The following ANKS1A variants were observed in gnomAD, a reference collection of about 807,000 sequenced individuals.
The protein encoded by ANKS1A is ankyrin repeat and SAM domain-containing protein 1A.
A neutral mutation model predicts 120.3 loss-of-function variants in ANKS1A; 55 were observed. The ratio of observed to expected loss-of-function variants is 0.46; its 90% CI spans 0.37 to 0.57. The LOEUF (loss-of-function observed/expected upper bound fraction) is 0.57, where lower values mean the gene tolerates loss of function less well. ANKS1A is among the 20% of genes least tolerant of loss of function. ANKS1A has a pLI of 0.00. For missense variants in ANKS1A, 1,123 were observed against 1,480.3 expected (o/e 0.76, Z 3.96); for synonymous variants, 590 against 604.7 (o/e 0.98, Z 0.36).
intron 11 of ANKS1A, among the ~76,000 whole-genome samples, chr6:35,048,771 A>T (rs1775835806): frequency 6.6e-6 from 1 of 152,158 alleles, no homozygotes; most frequent in African/African-American, 2.4e-5. Flanking sequence ...GGTTCTCTGC[A>T]CAGCCTAAGG....
At chr6:35,055,073 C>A (rs1776148430) in intron 12 of ANKS1A, among the ~76,000 whole-genome samples, 1 of 152,220 alleles carries the variant, frequency 6.6e-6, no homozygotes, top group South Asian at 2.1e-4. Flanking sequence ...CCATGGGCTT[C>A]TGTGGCCCTG....
intron 11 of ANKS1A, among the ~76,000 whole-genome samples, chr6:35,048,970 C>T (rs533104794): frequency 4.6e-5 from 7 of 152,342 alleles, no homozygotes; most frequent in East Asian, 3.9e-4. Flanking sequence ...GGTTCGGCTG[C>T]CAGTGGCACC....
chr6:34,908,746 A>G (rs1034171949), intron 1 of ANKS1A, among the ~76,000 whole-genome samples: 43 of 152,250 alleles, frequency 2.8e-4, no homozygotes, highest in African/African-American at 1.0e-3. Context: ...TGGTGTACGA[A>G]TGCATTTGCT....
Position 35,060,102 on chromosome 6 carries a change from A to G in ANKS1A, c.2078-45A>G. 2 of 1,534,180 alleles carry G rather than the reference A, an allele frequency of 1.3e-6. No individual in the cohort carries two copies. The highest frequency in any genetic ancestry group is 1.8e-6 in the Non-Finnish European group (2 of 1,116,306). On this transcript the variant is annotated intron_variant, in intron 12 of 23. Coordinates refer to ENST00000360359, the MANE Select transcript of ANKS1A (RefSeq NM_015245.3). The surrounding 1 kb of genome is among the most constrained non-coding windows in gnomAD (Gnocchi z 4.5). The stretch of plus-strand genomic sequence containing the variant: ...TCTGAGTGCCGCTGCTACCGCCTTA[A>G]TGGTTTTTCCCTTTTCAAGCGTCTG...
intron 11 of ANKS1A, among the ~76,000 whole-genome samples, chr6:35,032,308 G>A (rs1774947197): frequency 6.6e-6 from 1 of 152,182 alleles, no homozygotes; most frequent in Non-Finnish European, 1.5e-5. Context: ...AGGAGAGGAT[G>A]AGGTCAAGTC....
chr6:34,894,279 T>G (rs1291428379), intron 1 of ANKS1A, among the ~76,000 whole-genome samples: 1 of 152,194 alleles, frequency 6.6e-6, no homozygotes, highest in Non-Finnish European at 1.5e-5. Context: ...GAAACTCCTG[T>G]ATAAGAATAT....
At chr6:35,004,629 C>T (rs945778613) in intron 10 of ANKS1A, among the ~76,000 whole-genome samples, 7 of 151,670 alleles carry the variant, frequency 4.6e-5, no homozygotes, top group Admixed American at 1.3e-4. Context: ...CATTTGAAAA[C>T]GTGGTAGGCT....
At chr6:35,046,258 C>A (rs1274429687) in intron 11 of ANKS1A, among the ~76,000 whole-genome samples, 1 of 152,130 alleles carries the variant, frequency 6.6e-6, no homozygotes, top group Non-Finnish European at 1.5e-5. Flanking sequence ...AAAGCCACAC[C>A]ACAACACAGA....
Position 35,044,910 on chromosome 6 carries a change from A to G in ANKS1A, c.2011-9189A>G, listed in dbSNP as rs932563586. On this transcript the variant is annotated intron_variant, in intron 11 of 23. Coordinates refer to ENST00000360359, the MANE Select transcript of ANKS1A (RefSeq NM_015245.3). This position sits in a 1 kb window ranked among gnomAD's most constrained non-coding sequence, Gnocchi z 4.4. ...GGGTGGTGTGGACTATTTGCCTGGC[A>G]TCTGTGGTTTTACGAGGACTACAGA... 6.6e-6 allele frequency among the ~76,000 whole-genome samples: 1 copy of G among 152,210 alleles called. No homozygotes were observed. Among genetic ancestry groups the G allele is most frequent in the African/African-American group, 2.4e-5 (1 of 41,450 alleles).
At chr6:34,899,114 G>A (rs1232318136) in intron 1 of ANKS1A, among the ~76,000 whole-genome samples, 1 of 152,180 alleles carries the variant, frequency 6.6e-6, no homozygotes, top group African/African-American at 2.4e-5. Flanking sequence ...TGAATTTGAG[G>A]ACTCATAGTA....
At position 35,074,315 on chromosome 6, in the gene ANKS1A, G is replaced by A. The variant is rs537370635; in HGVS notation, c.2185-4243G>A. ...CATAATCAGGTAGAAAGTCTGGGCC[G>A]GGGCCAGGGGCAGTGGTGCACACCT... is the stretch of plus-strand genomic sequence containing the variant. On this transcript the variant is annotated intron_variant, in intron 13 of 23. Coordinates refer to ENST00000360359, the MANE Select transcript of ANKS1A (RefSeq NM_015245.3). Among the ~76,000 whole-genome samples, 5 of 152,274 alleles carry A rather than the reference G, an allele frequency of 3.3e-5. No individual in the cohort carries two copies. In the South Asian group the frequency reaches 6.2e-4, roughly 19 times the overall value.
chr6:34,917,304 G>A (rs1219866484), intron 1 of ANKS1A, among the ~76,000 whole-genome samples: 1 of 152,210 alleles, frequency 6.6e-6, no homozygotes, highest in Non-Finnish European at 1.5e-5. Context: ...TTGGCTAAGT[G>A]GAGAGGCTCT....
At position 35,052,609 on chromosome 6, in the gene ANKS1A, T is replaced by TAA. The variant is rs59378149; in HGVS notation, c.2011-1468_2011-1467dup. ...CAACATAACAAGACCTCTTCTCTGT[T>TAA]AAAAAAAAAAAAAAAAAAAAAAAGA... On this transcript the variant is annotated intron_variant, in intron 11 of 23. Coordinates refer to ENST00000360359, the MANE Select transcript of ANKS1A (RefSeq NM_015245.3). 8.7e-4 allele frequency among the ~76,000 whole-genome samples: 89 copies of TAA among 102,404 alleles called. 1 individual carries two copies. The highest frequency in any genetic ancestry group is 3.0e-3 in the African/African-American group (75 of 25,296). The allele number at this position is 102,404 out of a possible 152,430, so 67.2% of individuals were successfully genotyped here.
chr6:35,046,068 ACTAG>A (rs1561936473), intron 11 of ANKS1A, among the ~76,000 whole-genome samples: 1 of 152,216 alleles, frequency 6.6e-6, no homozygotes, highest in East Asian at 1.9e-4. Context: ...AACATATTCT[ACTAG>A]CTAAGTATTC....
At chr6:34,892,155 G>T (rs1766855885) in intron 1 of ANKS1A, among the ~76,000 whole-genome samples, 1 of 152,140 alleles carries the variant, frequency 6.6e-6, no homozygotes, top group Non-Finnish European at 1.5e-5. Flanking sequence ...TGTGTCTTTT[G>T]TAGAGAGGGT....
Position 35,082,454 on chromosome 6 carries a change from C to G in ANKS1A, c.2710-237C>G, listed in dbSNP as rs1267010817. ...TCATCTCGGACACCACAGAGACTGT[C>G]CTTCCCAAGCCCTGCTCTCAGGCGG... On this transcript the variant is annotated intron_variant, in intron 17 of 23. Coordinates refer to ENST00000360359, the MANE Select transcript of ANKS1A (RefSeq NM_015245.3). The surrounding 1 kb of genome is among the most constrained non-coding windows in gnomAD (Gnocchi z 4.1). Among the ~76,000 whole-genome samples the G allele has an allele frequency of 6.6e-6, 1 of 152,176 alleles. No individual in the cohort carries two copies. Among genetic ancestry groups the G allele is most frequent in the Non-Finnish European group, 1.5e-5 (1 of 68,030 alleles).
downstream of ANKS1A, among the ~76,000 whole-genome samples, chr6:35,091,855 T>C (rs911388430): frequency 1.3e-5 from 2 of 152,178 alleles, no homozygotes; most frequent in African/African-American, 4.8e-5. Context: ...AACAACTAGC[T>C]ACCAGCCCGA....
chr6:35,083,661 TCTC>T (rs1319256531), intron 20 of ANKS1A, among the ~76,000 whole-genome samples, 158 bp downstream of exon 20: 4 of 152,124 alleles, frequency 2.6e-5, no homozygotes, highest in Admixed American at 2.0e-4. Context: ...AAGAGGCGTG[TCTC>T]TCATCTGCTG....
In ANKS1A at chr6:34,967,326, A is replaced by G; in HGVS notation, c.278+7A>G. The G allele has an allele frequency of 6.2e-7, 1 of 1,613,394 alleles. No individual in the cohort carries two copies. Among genetic ancestry groups the G allele is most frequent in the Non-Finnish European group, 8.5e-7 (1 of 1,179,662 alleles). ...CTGCTTTGAATGGCCATAAGTAAGT[A>G]TCAATGTACTACATTCCTGCCTTCA... On this transcript the variant is annotated splice_region_variant and intron_variant, in intron 2 of 23. Transcript: ENST00000360359.
Sources: allele counts gnomAD v4.1 joint callset (sites outside exome capture counted in the v4.1 genomes callset), GRCh38; gene constraint gnomAD v4.1.1; non-coding constraint Gnocchi (gnomAD v3.1); transcripts MANE v1.5; gene names NCBI Gene and HGNC (gene_info 2026-07-23, HGNC 2026-07-21).